The following CTNS variants were observed in gnomAD, a reference collection of about 807,000 sequenced individuals.
The protein encoded by CTNS is cystinosin.
CTNS carries 27 observed loss-of-function variants against 43.7 expected under a neutral mutation model. The ratio of observed to expected loss-of-function variants is 0.62; its 90% CI spans 0.46 to 0.85. The LOEUF is 0.85. Ranked by LOEUF, CTNS falls within the 40% of genes least tolerant of loss-of-function variation. The pLI is 0.00. For synonymous variants in CTNS, 187 were observed against 190.6 expected (o/e 0.98, Z 0.16); for missense variants, 457 against 475.4 (o/e 0.96, Z 0.36).
At chr17:3,641,171 C>G (rs916049555) in intron 3 of CTNS, among the ~76,000 whole-genome samples, 1 of 151,626 alleles carries the variant, frequency 6.6e-6, no homozygotes, top group African/African-American at 2.4e-5. Context: ...GGAGTTTACA[C>G]GTCCTTGTAG....
intron 4 of CTNS, 71 bp from the exon 5 acceptor site, chr17:3,648,776 G>T: frequency 7.8e-7 from 1 of 1,283,804 alleles, no homozygotes. Flanking sequence ...GGCCAGATGT[G>T]AAATCCAGAG....
At chr17:3,648,789 T>C (rs2075905393) in intron 4 of CTNS, 58 bp from the exon 5 acceptor site, 2 of 1,353,538 alleles carry the variant, frequency 1.5e-6, no homozygotes, top group Admixed American at 3.4e-5. Context: ...ATCCAGAGGG[T>C]TGGTTGAGAT....
intron 5 of CTNS, chr17:3,650,455 C>T: frequency 3.5e-6 from 4 of 1,127,368 alleles, no homozygotes; most frequent in Non-Finnish European, 4.9e-6. Context: ...GCCCTCCAGC[C>T]TGAGTGTTGG....
rs372236710 is a variant in CTNS at position 3,660,745 on chromosome 17, G to A, written c.*376G>A. 1.2e-5 allele frequency: 19 copies of A among 1,613,298 alleles called. No homozygotes were observed. In the Admixed American group the frequency reaches 1.3e-4, roughly 11 times the overall value. On this transcript the variant is annotated 3_prime_UTR_variant, in exon 12 of 12. Coordinates refer to ENST00000046640, the MANE Select transcript of CTNS (RefSeq NM_004937.3). ...AGCTTGAAGGGCTGACCTTGCAGCC[G>A]GGTGAGCCAAGGGCACTTTGCTGCC...
intron 7 of CTNS, chr17:3,655,827 C>T (rs978220634): frequency 2.8e-5 from 7 of 249,878 alleles, no homozygotes; most frequent in Middle Eastern, 1.5e-3. Flanking sequence ...CGCTTTCTTC[C>T]GGGGGCCTCC....
At chr17:3,654,530 T>C (rs1464009948) in intron 5 of CTNS, among the ~76,000 whole-genome samples, 1 of 151,456 alleles carries the variant, frequency 6.6e-6, no homozygotes, top group Non-Finnish European at 1.5e-5. Flanking sequence ...AAAAATTAGC[T>C]GGGCATGGTG....
intron 2 of CTNS, among the ~76,000 whole-genome samples, chr17:3,638,226 G>GT (rs755987456): frequency 0.032 from 4,739 of 148,872 alleles, 86 homozygotes; most frequent in African/African-American, 0.038. Context: ...TATCAATCTG[G>GT]TTTTTTTTTT....
chr17:3,647,406 G>A (rs753957302), intron 3 of CTNS, 38 bp from the exon 4 acceptor site: 92 of 1,581,646 alleles, frequency 5.8e-5, no homozygotes, highest in Non-Finnish European at 7.5e-5. Flanking sequence ...CCTGAACTCT[G>A]ACCCAGTGCC....
intron 3 of CTNS, among the ~76,000 whole-genome samples, chr17:3,640,584 A>G (rs2075660829): frequency 2.6e-5 from 4 of 152,264 alleles, no homozygotes; most frequent in Admixed American, 2.0e-4. Flanking sequence ...TAGAGCTCCA[A>G]CAACCTGGGA....
Position 3,642,091 on chromosome 17 carries a change from G to A in CTNS, c.61+1824G>A, listed in dbSNP as rs935202658. Among the ~76,000 whole-genome samples, 193 of 137,586 alleles carry A rather than the reference G, an allele frequency of 1.4e-3. 3 individuals carry two copies. The highest frequency in any genetic ancestry group is 4.8e-3 in the African/African-American group (183 of 38,274). 90.3% of individuals were successfully genotyped at this position (137,586 alleles called of 152,430 possible). ...TGTGTGTGTGTGTGTGTGCCTGGGC[G>A]TGTGTGTGTGTGCCTGGGTGTGTGT... is the stretch of plus-strand genomic sequence containing the variant. On this transcript the variant is annotated intron_variant, in intron 3 of 11. Coordinates refer to ENST00000046640, the MANE Select transcript of CTNS (RefSeq NM_004937.3).
At chr17:3,643,270 T>C (rs954580755) in intron 3 of CTNS, among the ~76,000 whole-genome samples, 3 of 151,402 alleles carry the variant, frequency 2.0e-5, no homozygotes, top group African/African-American at 7.3e-5. Flanking sequence ...GTCGAGATCG[T>C]GCCACTGCAC....
At chr17:3,647,588 C>A (rs943924564) in intron 4 of CTNS, 66 bp downstream of exon 4, 2 of 1,402,848 alleles carry the variant, frequency 1.4e-6, no homozygotes, top group Admixed American at 3.4e-5. Context: ...CAGGGCTGAC[C>A]CCTGGCTCAG....
chr17:3,642,042 TGTGTGTGTGTGTGTACCCGGGC>T (rs1426557316), intron 3 of CTNS, among the ~76,000 whole-genome samples: 1 of 47,670 alleles, frequency 2.1e-5, no homozygotes, highest in African/African-American at 6.4e-5. Context: ...TGCCTGGGCC[TGTGTGTGTGTGTGTACCCGGGC>T]GTGTGTGTGT....
chr17:3,660,219 C>G lies in CTNS; in HGVS notation c.971-17C>G. ...CTGCCAACCTAACACCAGCTTCTGT[C>G]CCCCGGCTGCTAACAGACCAGTGGA... is the stretch of plus-strand genomic sequence containing the variant. On this transcript the variant is annotated splice_polypyrimidine_tract_variant and intron_variant, in intron 11 of 11. Coordinates refer to ENST00000046640, the MANE Select transcript of CTNS (RefSeq NM_004937.3). The G allele has an allele frequency of 2.5e-6, 4 of 1,614,040 alleles. No individual in the cohort carries two copies. The highest frequency in any genetic ancestry group is 3.4e-6 in the Non-Finnish European group (4 of 1,180,026).
Position 3,641,819 on chromosome 17 carries a change from A to T in CTNS, c.61+1552A>T, listed in dbSNP as rs534763075. Among the ~76,000 whole-genome samples the T allele has an allele frequency of 3.3e-5, 5 of 152,232 alleles. No individual in the cohort carries two copies. In the South Asian group the frequency reaches 1.0e-3, roughly 32 times the overall value. On this transcript the variant is annotated intron_variant, in intron 3 of 11. Coordinates refer to ENST00000046640, the MANE Select transcript of CTNS (RefSeq NM_004937.3). ...ATCTCTGAGGAAACATGGTCACGTG[A>T]TCATCTCTTCCAGGTTTGTTAAACA...
At chr17:3,657,381 C>G (rs1310555848) in intron 9 of CTNS, among the ~76,000 whole-genome samples, 1 of 152,196 alleles carries the variant, frequency 6.6e-6, no homozygotes, top group Non-Finnish European at 1.5e-5. Flanking sequence ...CCCACCAAGG[C>G]TGGGTCCGGG....
chr17:3,651,906 A>G (rs1330906249), intron 5 of CTNS, among the ~76,000 whole-genome samples: 3 of 148,200 alleles, frequency 2.0e-5, no homozygotes, highest in African/African-American at 7.4e-5. Context: ...CCCGGGAGGC[A>G]GAGGTGGCAG....
At chr17:3,640,697 A>G (rs2075663817) in intron 3 of CTNS, among the ~76,000 whole-genome samples, 1 of 152,248 alleles carries the variant, frequency 6.6e-6, no homozygotes, top group Non-Finnish European at 1.5e-5. Flanking sequence ...CAGGAGTTTG[A>G]GACCAACCTG....
At chr17:3,659,211 C>T (rs1025860723) in intron 10 of CTNS, among the ~76,000 whole-genome samples, 2 of 152,060 alleles carry the variant, frequency 1.3e-5, no homozygotes, top group African/African-American at 4.8e-5. Flanking sequence ...GGAAAGGTCA[C>T]AGCAGTCAGA....
Sources: gnomAD v4.1 joint callset for allele counts (sites outside exome capture counted in the v4.1 genomes callset) on GRCh38, gnomAD v4.1.1 for gene constraint, MANE v1.5 for transcripts, NCBI Gene and HGNC (gene_info 2026-07-23, HGNC 2026-07-21) for gene names.